The following SCFD2 variants were observed in gnomAD, a reference collection of about 807,000 sequenced individuals.
The protein encoded by SCFD2 is sec1 family domain containing 2.
Under a neutral mutation model 58.9 loss-of-function variants are expected in SCFD2, and 54 were observed. That is an observed-to-expected ratio of 0.92 (90% CI 0.74 to 1.15). The LOEUF (loss-of-function observed/expected upper bound fraction) is 1.15, where lower values mean the gene tolerates loss of function less well. SCFD2 is among the 50% of genes most tolerant of loss of function. SCFD2 has a pLI of 0.00. For missense variants in SCFD2, 805 were observed against 836.6 expected, an observed-to-expected ratio of 0.96 and a Z score of 0.47; for synonymous variants, 321 against 335.9, an observed-to-expected ratio of 0.96 and a Z score of 0.49.
intron 5 of SCFD2, among the ~76,000 whole-genome samples, chr4:53,133,453 C>T (rs1725851879): frequency 6.6e-6 from 1 of 151,516 alleles, no homozygotes; most frequent in Non-Finnish European, 1.5e-5. Context: ...GTTTGAAAGA[C>T]ATAACTTCTC....
intron 4 of SCFD2, among the ~76,000 whole-genome samples, chr4:53,255,538 C>T (rs1388801437): frequency 2.0e-5 from 3 of 152,106 alleles, no homozygotes; most frequent in Admixed American, 6.5e-5. Context: ...GGTAAGGTCA[C>T]AGATCAACAG....
rs533665898 is a variant in SCFD2, at chr4:53,124,492, G to C, written c.1561+20841C>G. 3.3e-5 allele frequency among the ~76,000 whole-genome samples: 5 copies of C among 152,294 alleles called. No homozygotes were observed. The South Asian group carries it at 1.0e-3, about 32-fold the overall frequency. On this transcript the variant is annotated intron_variant, in intron 5 of 8. Coordinates refer to ENST00000401642, the MANE Select transcript of SCFD2 (RefSeq NM_152540.4). The stretch of plus-strand genomic sequence containing the variant: ...AAGAAAAATAGGAGACTCAATTCTA[G>C]ATGAACAAAGTGGTTTGGGGGAAGA...
intron 5 of SCFD2, among the ~76,000 whole-genome samples, chr4:52,955,300 C>T (rs1720685559): frequency 6.6e-6 from 1 of 152,170 alleles, no homozygotes; most frequent in Admixed American, 6.5e-5. Flanking sequence ...CTTTGGTCTT[C>T]TTGCTACTAA....
intron 5 of SCFD2, among the ~76,000 whole-genome samples, chr4:52,941,202 A>G (rs1484835924): frequency 6.6e-6 from 1 of 152,166 alleles, no homozygotes; most frequent in Non-Finnish European, 1.5e-5. Flanking sequence ...AATACCTACT[A>G]TGCAGCATAT....
At chr4:52,981,094 A>G (rs1413089743) in intron 5 of SCFD2, among the ~76,000 whole-genome samples, 1 of 152,174 alleles carries the variant, frequency 6.6e-6, no homozygotes. Flanking sequence ...CTAATTATTT[A>G]TTATCTGCTA....
intron 6 of SCFD2, among the ~76,000 whole-genome samples, chr4:52,919,710 C>T (rs1420554776): frequency 6.6e-6 from 1 of 152,226 alleles, no homozygotes; most frequent in Non-Finnish European, 1.5e-5. Context: ...CCTGGCATAA[C>T]TTGTGGCAAT....
intron 4 of SCFD2, among the ~76,000 whole-genome samples, chr4:53,200,104 A>G (rs1442339242): frequency 6.6e-6 from 1 of 152,086 alleles, no homozygotes; most frequent in Non-Finnish European, 1.5e-5. Context: ...AATTACTATC[A>G]CAATCACATT....
At chr4:53,145,698 A>G in intron 4 of SCFD2, 116 bp from the exon 5 acceptor site, 1 of 896,660 alleles carries the variant, frequency 1.1e-6, no homozygotes, top group African/African-American at 1.7e-5. Context: ...TACTGACTGC[A>G]TCACTTTTTA....
Position 53,040,706 on chromosome 4 carries a change from C to T in SCFD2, c.1561+104627G>A, listed in dbSNP as rs188714138. ...CCAACCACATTAAGTTCTTCCAATG[C>T]ATGCTTCTTACTCATTGCCTTTTAG... On this transcript the variant is annotated intron_variant, in intron 5 of 8. Coordinates refer to ENST00000401642, the MANE Select transcript of SCFD2 (RefSeq NM_152540.4). Among the ~76,000 whole-genome samples the T allele has an allele frequency of 1.9e-3, 285 of 152,306 alleles. 3 individuals carry two copies. Among genetic ancestry groups the T allele is most frequent in the African/African-American group, 6.6e-3 (273 of 41,598 alleles).
intron 4 of SCFD2, among the ~76,000 whole-genome samples, chr4:53,184,551 T>C (rs1727684059): frequency 6.6e-6 from 1 of 152,096 alleles, no homozygotes; most frequent in Non-Finnish European, 1.5e-5. Flanking sequence ...AAGAATAAAA[T>C]TTCTATCTTG....
intron 5 of SCFD2, among the ~76,000 whole-genome samples, chr4:53,000,894 C>T (rs1253779224): frequency 2.0e-5 from 3 of 152,162 alleles, no homozygotes; most frequent in Admixed American, 2.0e-4. Context: ...TCCTAAGAGG[C>T]CACAGGCCTA....
intron 5 of SCFD2, among the ~76,000 whole-genome samples, chr4:52,925,463 G>A (rs144633221): frequency 0.016 from 2,409 of 151,662 alleles, 35 homozygotes; most frequent in Middle Eastern, 0.048. Context: ...GGAAGACCTG[G>A]GCCTGTCTCT....
At chr4:53,111,819 A>C (rs1450097793) in intron 5 of SCFD2, among the ~76,000 whole-genome samples, 2 of 152,202 alleles carry the variant, frequency 1.3e-5, no homozygotes, top group African/African-American at 4.8e-5. Context: ...TACAAAAATT[A>C]AGATAAAACA....
chr4:52,962,945 T>A (rs569127833), intron 5 of SCFD2, among the ~76,000 whole-genome samples: 1 of 152,202 alleles, frequency 6.6e-6, no homozygotes, highest in African/African-American at 2.4e-5. Flanking sequence ...TTAGCTTGGA[T>A]GAGATCCCAA....
chr4:53,274,064 T>C, intron 3 of SCFD2, 63 bp from the exon 4 acceptor site: 3 of 1,342,556 alleles, frequency 2.2e-6, no homozygotes, highest in Non-Finnish European at 2.0e-6. Flanking sequence ...ATGAGAAGGA[T>C]TCCATTAATA....
At chr4:53,193,232 A>G (rs1727966401) in intron 4 of SCFD2, among the ~76,000 whole-genome samples, 1 of 152,218 alleles carries the variant, frequency 6.6e-6, no homozygotes, top group African/African-American at 2.4e-5. Flanking sequence ...ACAAATGTTG[A>G]TATTAAAATG....
intron 7 of SCFD2, among the ~76,000 whole-genome samples, chr4:52,902,606 G>T (rs537048806): frequency 6.6e-6 from 1 of 152,226 alleles, no homozygotes; most frequent in South Asian, 2.1e-4. Context: ...AGTGTGGCAG[G>T]GATACAAATC....
chr4:53,073,118 TTAAC>T (rs1246506855), intron 5 of SCFD2, among the ~76,000 whole-genome samples: 6 of 152,162 alleles, frequency 3.9e-5, no homozygotes, highest in Non-Finnish European at 8.8e-5. Flanking sequence ...ATCATATAGT[TTAAC>T]TATTTATATA....
chr4:52,907,488 A>G lies in SCFD2; in HGVS notation c.1811T>C (p.Leu604Pro). The change falls in exon 7 of 9, where the codon CTC becomes CCC. Residue 604 changes from leucine (L) to proline (P), a missense_variant. Transcript: ENST00000401642. ...GAACATGCTAAATCCAGTTTTAAGGAGATCAGTGAGGCCTGAAGACATGTG... is the reference window on the plus strand; with the variant it reads ...GAACATGCTAAATCCAGTTTTAAGGGGATCAGTGAGGCCTGAAGACATGTG... ...IEHMSSGLTD[L>P]LKTGFSMFMK... 6.2e-7 allele frequency: 1 copy of G among 1,614,062 alleles called. No homozygotes were observed. Among genetic ancestry groups the G allele is most frequent in the Non-Finnish European group, 8.5e-7 (1 of 1,179,920 alleles).
Sources: gnomAD v4.1 joint callset for allele counts (sites outside exome capture counted in the v4.1 genomes callset) on GRCh38, gnomAD v4.1.1 for gene constraint, MANE v1.5 for transcripts, NCBI Gene and HGNC (gene_info 2026-07-23, HGNC 2026-07-21) for gene names.